Variants in KLHL5 observed in about 807,000 individuals in gnomAD.
The protein encoded by KLHL5 is kelch-like protein 5.
KLHL5 carries 48 observed loss-of-function variants against 77.7 expected under a neutral mutation model. The ratio of observed to expected loss-of-function variants is 0.62; its 90% CI spans 0.49 to 0.79. KLHL5 has a LOEUF of 0.79. KLHL5 is among the 30% of genes least tolerant of loss of function. The pLI is 0.00. For missense variants in KLHL5, 723 were observed against 859.7 expected (o/e 0.84, Z 1.99); for synonymous variants, 260 against 297.0 (o/e 0.88, Z 1.28).
At chr4:39,103,657 G>C (rs1721792631) in intron 7 of KLHL5, 146 bp downstream of exon 7, 2 of 662,052 alleles carry the variant, frequency 3.0e-6, no homozygotes, top group Non-Finnish European at 5.2e-6. Context: ...TAAAGAATTT[G>C]GTAGGTCATC....
chr4:39,067,715 A>C (rs1718026610), intron 1 of KLHL5, among the ~76,000 whole-genome samples: 1 of 145,044 alleles, frequency 6.9e-6, no homozygotes, highest in Non-Finnish European at 1.5e-5. Context: ...TCACTCTGTC[A>C]CCCAGGCTAG....
chr4:39,067,559 AT>A (rs1718004875), intron 1 of KLHL5, among the ~76,000 whole-genome samples: 1 of 152,116 alleles, frequency 6.6e-6, no homozygotes, highest in Non-Finnish European at 1.5e-5. Flanking sequence ...CATATAGCTA[AT>A]TATTCATTCT....
At chr4:39,094,931 C>T (rs1278441363) in intron 5 of KLHL5, among the ~76,000 whole-genome samples, 1 of 152,050 alleles carries the variant, frequency 6.6e-6, no homozygotes, top group East Asian at 1.9e-4. Context: ...CAGAAGACTA[C>T]ATCTACAAAC....
intron 8 of KLHL5, among the ~76,000 whole-genome samples, chr4:39,111,885 G>A (rs1422917549): frequency 1.3e-5 from 2 of 152,104 alleles, no homozygotes; most frequent in Non-Finnish European, 2.9e-5. Flanking sequence ...TAGGAAATCT[G>A]TGGTTAAGTA....
intron 5 of KLHL5, among the ~76,000 whole-genome samples, chr4:39,087,214 A>G (rs867332003): frequency 2.0e-5 from 3 of 152,240 alleles, no homozygotes; most frequent in South Asian, 2.1e-4. Flanking sequence ...CCCGGCCTCA[A>G]TTAAGTAACA....
chr4:39,056,272 C>T (rs940399909), intron 1 of KLHL5, among the ~76,000 whole-genome samples: 24 of 152,230 alleles, frequency 1.6e-4, no homozygotes, highest in South Asian at 4.1e-4. Context: ...ACACTGCATC[C>T]GACTAATTTT....
intron 5 of KLHL5, chr4:39,093,223 A>C: frequency 2.3e-6 from 1 of 443,316 alleles, no homozygotes; most frequent in South Asian, 1.6e-5. Flanking sequence ...ACAAGTCTCA[A>C]AAGTGTGCTA....
chr4:39,102,797 C>T (rs1477590435), intron 6 of KLHL5, among the ~76,000 whole-genome samples: 1 of 152,234 alleles, frequency 6.6e-6, no homozygotes, highest in Admixed American at 6.5e-5. Flanking sequence ...GAAGAATCTT[C>T]TATGCTCACT....
At chr4:39,139,154 C>T in the KLHL5 span, among the ~76,000 whole-genome samples, 12 of 151,846 alleles carry the variant, frequency 7.9e-5, no homozygotes, top group South Asian at 2.1e-4. Context: ...TGTTGGCAGA[C>T]GCCTGTAATC....
rs528163030 is a variant in KLHL5 at position 39,050,755 on chromosome 4, C to T, written c.-95+5659C>T. ...TATAATAGCTTTCAATCAAAGAAAC[C>T]GAGGTGCCATGGAAAGTTCTACACA... On this transcript the variant is annotated intron_variant, in intron 1 of 11. Transcript: ENST00000261425. 4.6e-5 allele frequency among the ~76,000 whole-genome samples: 7 copies of T among 152,160 alleles called. No individual in the cohort carries two copies. The East Asian group carries it at 5.8e-4, about 13-fold the overall frequency.
intron 6 of KLHL5, among the ~76,000 whole-genome samples, chr4:39,098,561 C>T (rs1296492323): frequency 2.0e-5 from 3 of 151,314 alleles, no homozygotes; most frequent in East Asian, 4.0e-4. Flanking sequence ...ACCAGCGCAC[C>T]GGGCCACAAC....
chr4:39,098,418 A>T (rs1721258454), intron 6 of KLHL5, among the ~76,000 whole-genome samples: 1 of 150,720 alleles, frequency 6.6e-6, no homozygotes, highest in South Asian at 2.1e-4. Context: ...ACATGCCACC[A>T]CACATGCCTG....
At chr4:39,140,179 A>G in the KLHL5 span, among the ~76,000 whole-genome samples, 2 of 152,134 alleles carry the variant, frequency 1.3e-5, no homozygotes, top group African/African-American at 4.8e-5. Context: ...CCATGAGCCA[A>G]GATCACCCCA....
In KLHL5 at chr4:39,081,147, C is replaced by T; in HGVS notation, c.611C>T (p.Thr204Ile). The change falls in exon 3 of 11, where the codon ACT (threonine) becomes ATT (isoleucine). Residue 204 changes from threonine (T) to isoleucine (I), a missense_variant. Transcript: ENST00000504108. The surrounding 1 kb of genome is among the most constrained non-coding windows in gnomAD (Gnocchi z 4.3). Reference sequence around the variant, plus strand: ...TCAGACTATTTTGCTGCCATGTTTACTAATGATGTCAGAGAGGCAAGACAA... The same window carrying T: ...TCAGACTATTTTGCTGCCATGTTTATTAATGATGTCAGAGAGGCAAGACAA... ...SVSDYFAAMF[T>I]NDVREARQEE... 1 of 1,612,070 alleles carries T rather than the reference C, an allele frequency of 6.2e-7. No homozygotes were observed. The highest frequency in any genetic ancestry group is 8.5e-7 in the Non-Finnish European group (1 of 1,179,212).
At chr4:39,134,129 A>T in the KLHL5 span, 1 of 152,234 alleles carries the variant, frequency 6.6e-6, no homozygotes, top group Non-Finnish European at 1.5e-5. Context: ...TGAGGGCCTG[A>T]GCTCCACATG....
rs773799212 is a variant in KLHL5, at chr4:39,075,966, A to G, written c.385A>G (p.Thr129Ala). 4 of 1,597,446 alleles carry G rather than the reference A, an allele frequency of 2.5e-6. No individual in the cohort carries two copies. The highest frequency in any genetic ancestry group is 1.4e-5 in the African/African-American group (1 of 73,698). Residue 129 changes from threonine to alanine, a missense_variant and splice_region_variant, in exon 2 of 11, where the codon ACT (threonine) becomes GCT (alanine). Coordinates refer to ENST00000504108, the MANE Select transcript of KLHL5 (RefSeq NM_015990.5). The stretch of plus-strand genomic sequence containing the variant: ...ATGTGTGTTTTTTTTTCTTTTCAGG[A>G]CTTCCAATAGTAGTCAGACATTATC... ...ENESDSSSCR[T>A]SNSSQTLSSC...
intron 1 of KLHL5, among the ~76,000 whole-genome samples, chr4:39,052,270 G>A (rs1716710078): frequency 6.6e-6 from 1 of 151,802 alleles, no homozygotes. Context: ...ACAGGTGCCT[G>A]CTACCACGCC....
chr4:39,046,630 A>G (rs1560398819), intron 1 of KLHL5, among the ~76,000 whole-genome samples: 1 of 152,294 alleles, frequency 6.6e-6, no homozygotes. Flanking sequence ...TCTAATTCCA[A>G]GATTAGAAAC....
intron 6 of KLHL5, among the ~76,000 whole-genome samples, chr4:39,102,098 A>G (rs552024397): frequency 6.6e-6 from 1 of 151,190 alleles, no homozygotes; most frequent in East Asian, 1.9e-4. Flanking sequence ...TATATGTATA[A>G]CACAACTATT....
Sources: gnomAD v4.1 joint callset for allele counts (sites outside exome capture counted in the v4.1 genomes callset) on GRCh38, gnomAD v4.1.1 for gene constraint, Gnocchi (gnomAD v3.1) non-coding constraint, MANE v1.5 for transcripts, NCBI Gene and HGNC (gene_info 2026-07-23, HGNC 2026-07-21) for gene names.